Variants in LMX1A observed in about 807,000 individuals in gnomAD.
The protein encoded by LMX1A is LIM homeobox transcription factor 1 alpha, also known as LIM homeobox transcription factor 1-alpha.
Under a neutral mutation model 49.1 loss-of-function variants are expected in LMX1A, and 15 were observed. The observed-to-expected ratio is 0.31, with a 90% CI of 0.20 to 0.47. The LOEUF is 0.47. Among genes scored for constraint, LMX1A ranks in the 20% least tolerant of loss-of-function variants. The pLI is 1.00. For missense variants in LMX1A, 372 were observed against 475.8 expected (o/e 0.78, Z 2.03); for synonymous variants, 167 against 185.7 (o/e 0.90, Z 0.82).
chr1:165,208,198 G>T, intron 6 of LMX1A, 66 bp from the exon 7 acceptor site: 1 of 1,457,232 alleles, frequency 6.9e-7, no homozygotes. Flanking sequence ...AAGTAAGGGG[G>T]GGCCTGGAAG....
chr1:165,256,183 G>T (rs16841723), intron 3 of LMX1A, among the ~76,000 whole-genome samples: 3 of 152,068 alleles, frequency 2.0e-5, no homozygotes, highest in African/African-American at 7.2e-5. Flanking sequence ...CCACCAAATC[G>T]GATCGAAGCA....
At chr1:165,279,094 G>A (rs543612642) in intron 3 of LMX1A, among the ~76,000 whole-genome samples, 2 of 152,348 alleles carry the variant, frequency 1.3e-5, no homozygotes, top group East Asian at 3.9e-4. Flanking sequence ...TATATCGCCT[G>A]TGAGCATTCA....
At chr1:165,329,743 C>A (rs1313435914) in intron 3 of LMX1A, among the ~76,000 whole-genome samples, 1 of 151,692 alleles carries the variant, frequency 6.6e-6, no homozygotes, top group Non-Finnish European at 1.5e-5. Flanking sequence ...TAAAACCTAT[C>A]AGACTGTCCA....
At chr1:165,217,722 T>A (rs541800549) in intron 4 of LMX1A, among the ~76,000 whole-genome samples, 1 of 152,332 alleles carries the variant, frequency 6.6e-6, no homozygotes, top group East Asian at 1.9e-4. Context: ...TTGAAAAAAA[T>A]CCACATATAA....
At chr1:165,283,697 T>C (rs1250658176) in intron 3 of LMX1A, among the ~76,000 whole-genome samples, 1 of 152,244 alleles carries the variant, frequency 6.6e-6, no homozygotes, top group East Asian at 1.9e-4. Context: ...GAATGTAATT[T>C]CATGAGTAGA....
chr1:165,342,180 T>C (rs955589166), intron 3 of LMX1A, among the ~76,000 whole-genome samples: 1 of 152,202 alleles, frequency 6.6e-6, no homozygotes, highest in Admixed American at 6.5e-5. Flanking sequence ...CTAGGCCAAG[T>C]AAAAAACAAG....
intron 3 of LMX1A, among the ~76,000 whole-genome samples, chr1:165,328,447 C>G (rs1413162067): frequency 1.3e-5 from 2 of 152,204 alleles, no homozygotes; most frequent in Non-Finnish European, 1.5e-5. Flanking sequence ...TTTACCTCTG[C>G]AGCACTCCCA....
At chr1:165,249,674 T>C in intron 3 of LMX1A, 34 bp from the exon 4 acceptor site, 2 of 1,568,204 alleles carry the variant, frequency 1.3e-6, no homozygotes, top group Non-Finnish European at 1.7e-6. Flanking sequence ...ACATGCACCA[T>C]GAGTAAAATC....
At chr1:165,309,200 C>T (rs1655004232) in intron 3 of LMX1A, among the ~76,000 whole-genome samples, 1 of 152,014 alleles carries the variant, frequency 6.6e-6, no homozygotes, top group African/African-American at 2.4e-5. Flanking sequence ...GAGCGAAGAG[C>T]TTGCTGCACG....
chr1:165,324,771 T>C (rs1432517180), intron 3 of LMX1A, among the ~76,000 whole-genome samples: 1 of 152,202 alleles, frequency 6.6e-6, no homozygotes, highest in African/African-American at 2.4e-5. Context: ...AATTTGCCCA[T>C]TTTTACAAAT....
chr1:165,242,390 A>G (rs1236989376), intron 4 of LMX1A, among the ~76,000 whole-genome samples: 1 of 152,052 alleles, frequency 6.6e-6, no homozygotes, highest in Non-Finnish European at 1.5e-5. Flanking sequence ...GCCTTAGCCA[A>G]GGAATAAATC....
intron 4 of LMX1A, among the ~76,000 whole-genome samples, chr1:165,229,885 A>T (rs1478062524): frequency 6.6e-6 from 1 of 152,206 alleles, no homozygotes; most frequent in African/African-American, 2.4e-5. Context: ...GGAAATGCAG[A>T]CCAAGACTGT....
Position 165,291,954 on chromosome 1 carries a change from C to T in LMX1A, c.264-42314G>A, listed in dbSNP as rs555604985. Among the ~76,000 whole-genome samples the T allele has an allele frequency of 2.8e-5, 4 of 145,314 alleles. No homozygotes were observed. The South Asian group carries it at 6.8e-4, about 25-fold the overall frequency. ...GCGCGCGCTTGTAGTCCCAGCTACA[C>T]GGGAGGCTGAGGCAGGAGAATGGCG... On this transcript the variant is annotated intron_variant, in intron 3 of 8. Coordinates refer to ENST00000342310, the MANE Select transcript of LMX1A (RefSeq NM_177398.4).
chr1:165,301,902 A>G (rs559996185), intron 3 of LMX1A, among the ~76,000 whole-genome samples: 10 of 152,050 alleles, frequency 6.6e-5, no homozygotes, highest in African/African-American at 2.4e-4. Flanking sequence ...TTAAGTTTAT[A>G]GCTATTGGTT....
intron 3 of LMX1A, among the ~76,000 whole-genome samples, chr1:165,277,882 G>T (rs923102103): frequency 3.9e-5 from 6 of 152,202 alleles, no homozygotes; most frequent in Non-Finnish European, 2.9e-5. Flanking sequence ...GGACTCTATG[G>T]TTGAGCATCA....
chr1:165,342,621 CAA>C (rs1656110708), intron 3 of LMX1A, among the ~76,000 whole-genome samples: 1 of 151,996 alleles, frequency 6.6e-6, no homozygotes, highest in South Asian at 2.1e-4. Flanking sequence ...GTTTGACAAA[CAA>C]GAGCAATGAT....
At chr1:165,236,777 TAAAA>T (rs148213408) in intron 4 of LMX1A, among the ~76,000 whole-genome samples, 10 of 144,530 alleles carry the variant, frequency 6.9e-5, no homozygotes, top group African/African-American at 1.5e-4. Context: ...TAGGAAGCTT[TAAAA>T]AAAAAAAAAA....
At chr1:165,267,436 C>T (rs141365022) in intron 3 of LMX1A, among the ~76,000 whole-genome samples, 195 of 152,294 alleles carry the variant, frequency 1.3e-3, no homozygotes, top group Middle Eastern at 6.8e-3. Context: ...TCCATTCATG[C>T]ACATTTGTGC....
At chr1:165,240,891 G>A (rs1652626754) in intron 4 of LMX1A, among the ~76,000 whole-genome samples, 1 of 152,288 alleles carries the variant, frequency 6.6e-6, no homozygotes, top group East Asian at 1.9e-4. Context: ...GAAGTGTAAC[G>A]CTTAGGAATA....
Sources: allele counts gnomAD v4.1 joint callset (sites outside exome capture counted in the v4.1 genomes callset), GRCh38; gene constraint gnomAD v4.1.1; transcripts MANE v1.5; gene names NCBI Gene and HGNC (gene_info 2026-07-23, HGNC 2026-07-21).